SLX4IP: variants seen among roughly 807,000 people sequenced by gnomAD.
SLX4IP encodes protein SLX4IP.
SLX4IP carries 34 observed loss-of-function variants against 32.9 expected under a neutral mutation model. The observed-to-expected ratio is 1.03, with a 90% confidence interval of 0.79 to 1.38. SLX4IP has a LOEUF of 1.38. Ranked by LOEUF, SLX4IP falls within the 40% of genes most tolerant of loss-of-function variation. SLX4IP has a pLI of 0.00. For synonymous variants in SLX4IP, 172 were observed against 171.7 expected (o/e 1.00, Z -0.01); for missense variants, 444 against 479.0 (o/e 0.93, Z 0.68).
At chr20:10,470,016 C>A (rs1420013647) in intron 2 of SLX4IP, among the ~76,000 whole-genome samples, 1 of 152,206 alleles carries the variant, frequency 6.6e-6, no homozygotes, top group Non-Finnish European at 1.5e-5. Context: ...ACAAGACTGC[C>A]TCTTCAGTAC....
At chr20:10,476,909 A>G (rs1363475593) in intron 2 of SLX4IP, among the ~76,000 whole-genome samples, 1 of 152,264 alleles carries the variant, frequency 6.6e-6, no homozygotes, top group Non-Finnish European at 1.5e-5. Context: ...TGTGTGTTTA[A>G]TAAAAGTGAA....
intron 2 of SLX4IP, among the ~76,000 whole-genome samples, chr20:10,506,389 A>G (rs2065760017): frequency 6.6e-6 from 1 of 152,212 alleles, no homozygotes; most frequent in Non-Finnish European, 1.5e-5. Flanking sequence ...CCCACATTGG[A>G]CCCAGCTTGA....
chr20:10,604,679 C>T (rs1251195960), intron 6 of SLX4IP, among the ~76,000 whole-genome samples: 2 of 152,368 alleles, frequency 1.3e-5, no homozygotes, highest in East Asian at 1.9e-4. Flanking sequence ...GTCACTGTTG[C>T]GTTTCTCTTG....
intron 2 of SLX4IP, among the ~76,000 whole-genome samples, chr20:10,479,718 A>G (rs903411640): frequency 6.6e-6 from 1 of 150,806 alleles, no homozygotes; most frequent in African/African-American, 2.4e-5. Context: ...AAAACAGGCA[A>G]ACAGAGGCCG....
chr20:10,452,692 T>TAC (rs1409835795), intron 1 of SLX4IP, among the ~76,000 whole-genome samples: 10 of 143,176 alleles, frequency 7.0e-5, no homozygotes, highest in South Asian at 2.2e-4. Flanking sequence ...TATATATATA[T>TAC]ATATGTAAAT....
chr20:10,538,289 A>AG (rs2066067342), intron 2 of SLX4IP, among the ~76,000 whole-genome samples: 1 of 96,004 alleles, frequency 1.0e-5, no homozygotes, highest in Non-Finnish European at 2.5e-5. Context: ...AGAAGGTTTT[A>AG]GACAAGGTTT....
intron 2 of SLX4IP, among the ~76,000 whole-genome samples, chr20:10,551,142 C>T (rs964397639): frequency 1.3e-5 from 2 of 152,208 alleles, no homozygotes; most frequent in African/African-American, 4.8e-5. Context: ...AGACCTCCCA[C>T]CTCCGAGGAC....
intron 6 of SLX4IP, among the ~76,000 whole-genome samples, chr20:10,606,922 A>T (rs1005494622): frequency 6.6e-6 from 1 of 152,140 alleles, no homozygotes; most frequent in African/African-American, 2.4e-5. Context: ...CAGTGAGTTT[A>T]TTATTTTCCT....
Position 10,580,499 on chromosome 20 carries a change from CT to C in SLX4IP, c.239-18160del, listed in dbSNP as rs71186104. Among the ~76,000 whole-genome samples the C allele has an allele frequency of 6.1e-3, 823 of 134,814 alleles. 3 individuals carry two copies. Among genetic ancestry groups the C allele is most frequent in the East Asian group, 0.02 (90 of 4,612 alleles). 88.4% of individuals were successfully genotyped at this position (134,814 alleles called of 152,430 possible). A position where few individuals can be genotyped will look rare whatever the true frequency, so the allele number is the denominator to read the frequency against. On this transcript the variant is annotated intron_variant, in intron 4 of 7. Transcript: ENST00000334534. ...TCCCCTTTGTTAAGTTAGACTTACC[CT>C]TTTTTTTTTTTTTTTAACATTGCAG...
intron 4 of SLX4IP, among the ~76,000 whole-genome samples, chr20:10,595,726 TTC>T (rs2066762332): frequency 6.6e-6 from 1 of 152,232 alleles, no homozygotes. Context: ...AGCAATAATT[TTC>T]TCTGTTTATA....
chr20:10,549,419 G>A (rs1268729431), intron 2 of SLX4IP, among the ~76,000 whole-genome samples: 1 of 152,162 alleles, frequency 6.6e-6, no homozygotes, highest in Non-Finnish European at 1.5e-5. Flanking sequence ...GGAGCTGTGG[G>A]ACCCTGTTGA....
chr20:10,592,622 C>CTTTTTTTTT (rs33995611), intron 4 of SLX4IP, among the ~76,000 whole-genome samples: 1 of 55,168 alleles, frequency 1.8e-5, no homozygotes, highest in African/African-American at 8.4e-5. Flanking sequence ...TATTCTTCAT[C>CTTTTTTTTT]TTTTTTTTTT....
chr20:10,445,964 G>A (rs2065199592), intron 1 of SLX4IP, among the ~76,000 whole-genome samples: 1 of 131,138 alleles, frequency 7.6e-6, no homozygotes, highest in Non-Finnish European at 1.6e-5. Context: ...TTTTAACTCA[G>A]CCTATTTCCT....
intron 5 of SLX4IP, among the ~76,000 whole-genome samples, chr20:10,600,814 A>T (rs763182811): frequency 6.6e-6 from 1 of 152,202 alleles, no homozygotes; most frequent in East Asian, 1.9e-4. Flanking sequence ...TATCACAAAT[A>T]TCAGACATGT....
intron 1 of SLX4IP, among the ~76,000 whole-genome samples, chr20:10,443,558 T>A (rs1055939634): frequency 2.0e-5 from 3 of 152,088 alleles, no homozygotes; most frequent in African/African-American, 7.2e-5. Context: ...GCGGCATGCA[T>A]GGGTGAAGGC....
chr20:10,616,952 C>T (rs572914073), intron 6 of SLX4IP, among the ~76,000 whole-genome samples: 11 of 152,160 alleles, frequency 7.2e-5, no homozygotes, highest in Non-Finnish European at 1.5e-4. Flanking sequence ...GATTGGATTA[C>T]TCTGTCGGAT....
At chr20:10,613,228 G>T (rs2066988645) in intron 6 of SLX4IP, 1 of 579,926 alleles carries the variant, frequency 1.7e-6, no homozygotes, top group Non-Finnish European at 3.1e-6. Flanking sequence ...AGTTCCTTCA[G>T]GTGAGACCTC....
At chr20:10,477,274 G>GTAGC (rs2065483512) in intron 2 of SLX4IP, among the ~76,000 whole-genome samples, 1 of 152,126 alleles carries the variant, frequency 6.6e-6, no homozygotes, top group Non-Finnish European at 1.5e-5. Flanking sequence ...AGCCTCCTGA[G>GTAGC]TAGCTGGGTT....
At chr20:10,516,574 T>C (rs140164212) in intron 2 of SLX4IP, among the ~76,000 whole-genome samples, 117 of 152,362 alleles carry the variant, frequency 7.7e-4, no homozygotes, top group African/African-American at 2.7e-3. Flanking sequence ...TGTTCTGAGA[T>C]GTTTTGTAAC....
Sources: gnomAD v4.1 joint callset for allele counts (sites outside exome capture counted in the v4.1 genomes callset) on GRCh38, gnomAD v4.1.1 for gene constraint, MANE v1.5 for transcripts, NCBI Gene and HGNC (gene_info 2026-07-23, HGNC 2026-07-21) for gene names.